The following ARNT variants were observed in gnomAD, a reference collection of about 807,000 sequenced individuals.
ARNT encodes the protein aryl hydrocarbon receptor nuclear translocator.
Under a neutral mutation model 105.0 loss-of-function variants are expected in ARNT, and 30 were observed. The ratio of observed to expected loss-of-function variants is 0.29; its 90% CI spans 0.21 to 0.39. The LOEUF is 0.39. Among genes scored for constraint, ARNT ranks in the 10% least tolerant of loss-of-function variants. The pLI, the probability that ARNT is intolerant of heterozygous loss-of-function variation, is 1.00. For missense variants in ARNT, 748 were observed against 978.7 expected (o/e 0.76, Z 3.15); for synonymous variants, 304 against 344.0 (o/e 0.88, Z 1.29).
rs1259926000 is a variant in ARNT, at chr1:150,826,615, T to C, written c.1170A>G (p.Glu390=). ...ATTCTACAATATTCTTTCCTAAGAG[T>C]TCCTAGAATACAGAAAGAAGAGTAA... ...CVATVGYQPQ[E]LLGKNIVEFC... The change falls in exon 13 of 22, where the codon GAA becomes GAG. Residue 390 remains glutamate (E), a splice_region_variant and synonymous_variant. Coordinates refer to ENST00000358595, the MANE Select transcript of ARNT (RefSeq NM_001668.4). 1.2e-6 allele frequency: 2 copies of C among 1,607,300 alleles called. No individual in the cohort carries two copies. The highest frequency in any genetic ancestry group is 1.7e-6 in the Non-Finnish European group (2 of 1,175,144).
intron 1 of ARNT, among the ~76,000 whole-genome samples, 169 bp downstream of exon 1, chr1:150,876,374 C>T (rs890628528): frequency 6.6e-6 from 1 of 152,178 alleles, no homozygotes; most frequent in African/African-American, 2.4e-5. Flanking sequence ...ACCCAAGTCC[C>T]CGGGATCGGG....
Position 150,814,236 on chromosome 1 carries a change from C to T in ARNT, c.1954G>A (p.Val652Met). 1.2e-6 allele frequency: 2 copies of T among 1,613,934 alleles called. No homozygotes were observed. The highest frequency in any genetic ancestry group is 1.7e-6 in the Non-Finnish European group (2 of 1,179,950). ...GTCTTAGCAGTAGCCTGGGTAGCCA[C>T]CTGCTAAAGAGAGATGGAGAGGGGA... Reference protein sequence around the residue: ...TTRSGFSAQQVATQATAKTRT... With the variant: ...TTRSGFSAQQMATQATAKTRT... The change falls in exon 20 of 22, where the codon GTG (valine) becomes ATG (methionine). Residue 652 changes from valine (V) to methionine (M), a missense_variant. Physicochemically the swap from Val to Met is conservative, Grantham distance 21 (BLOSUM62 1). Around this residue, in one of 4 missense-constraint regions of ARNT, gnomAD observed 360 missense variants for 411.9 expected, o/e 0.87. Coordinates refer to ENST00000358595, the MANE Select transcript of ARNT (RefSeq NM_001668.4).
Position 150,817,194 on chromosome 1 carries a change from C to T in ARNT, c.1587G>A (p.Gln529=). 1 of 1,614,094 alleles carries T rather than the reference C, an allele frequency of 6.2e-7. No individual in the cohort carries two copies. The highest frequency in any genetic ancestry group is 8.5e-7 in the Non-Finnish European group (1 of 1,180,028). ...GTTCTGGTCCTGTGGTTGTCACAGG[C>T]TGAACCACCTGTGGAATACAATGAT... is the stretch of plus-strand genomic sequence containing the variant. ...LASYNHSQVV[Q]PVTTTGPEHS... The change falls in exon 17 of 22, where the codon CAG becomes CAA. Residue 529 remains glutamine, a synonymous_variant. Transcript: ENST00000358595.
rs587682192 is a variant in ARNT, at chr1:150,833,065, C to T, written c.804-666G>A. Among the ~76,000 whole-genome samples, 14 of 152,294 alleles carry T rather than the reference C, an allele frequency of 9.2e-5. No individual in the cohort carries two copies. In the South Asian group the frequency reaches 1.4e-3, roughly 16 times the overall value. ...AACAACTTTATAAAGTCAGTATTAA[C>T]ATTATCGCCAATGTGAGATGATGAA... On this transcript the variant is annotated intron_variant, in intron 8 of 21. Coordinates refer to ENST00000358595, the MANE Select transcript of ARNT (RefSeq NM_001668.4).
intron 5 of ARNT, among the ~76,000 whole-genome samples, chr1:150,841,924 G>A (rs750399064): frequency 2.6e-5 from 4 of 152,118 alleles, no homozygotes; most frequent in South Asian, 2.1e-4. Context: ...GAAAGGATTC[G>A]GTCACCAAAG....
intron 11 of ARNT, chr1:150,829,629 A>G: frequency 3.6e-6 from 2 of 563,230 alleles, no homozygotes; most frequent in Admixed American, 3.0e-5. Context: ...CTTCTTTTGT[A>G]TAGGGGCAAA....
chr1:150,870,947 G>C (rs982987809), intron 1 of ARNT, among the ~76,000 whole-genome samples: 3 of 151,840 alleles, frequency 2.0e-5, no homozygotes, highest in Admixed American at 2.0e-4. Context: ...CAGGAGGATT[G>C]CTTGAGCCCA....
intron 13 of ARNT, among the ~76,000 whole-genome samples, chr1:150,825,574 G>A (rs1274193775): frequency 1.3e-5 from 2 of 152,100 alleles, no homozygotes; most frequent in African/African-American, 4.8e-5. Context: ...GTCTAGGCTG[G>A]GCGCAATGGC....
At chr1:150,832,438 G>A (rs373894722) in intron 8 of ARNT, 39 bp from the exon 9 acceptor site, 24 of 1,599,216 alleles carry the variant, frequency 1.5e-5, no homozygotes, top group Middle Eastern at 3.3e-4. Context: ...CAATCAGACT[G>A]CCCTATCAAA....
At chr1:150,829,779 C>A in intron 11 of ARNT, 125 bp downstream of exon 11, 1 of 1,081,934 alleles carries the variant, frequency 9.2e-7, no homozygotes, top group South Asian at 1.5e-5. Flanking sequence ...CATATTCCTT[C>A]AAATTTTGAG....
chr1:150,862,158 G>A lies in ARNT; in HGVS notation c.26-3698C>T, dbSNP rs371216935. On this transcript the variant is annotated intron_variant, in intron 1 of 21. Transcript: ENST00000358595. ...CTTTTTAACAGTTACATAGTACTCT[G>A]TACTATAAATGTATAGTTATGACAT... is the stretch of plus-strand genomic sequence containing the variant. 7.9e-5 allele frequency among the ~76,000 whole-genome samples: 12 copies of A among 152,166 alleles called. No homozygotes were observed. The East Asian group carries it at 1.9e-3, about 24-fold the overall frequency.
intron 1 of ARNT, among the ~76,000 whole-genome samples, chr1:150,868,164 C>A (rs1240974646): frequency 6.6e-6 from 1 of 151,862 alleles, no homozygotes; most frequent in African/African-American, 2.4e-5. Context: ...CTATTTAGTT[C>A]TAGCCCCAAG....
chr1:150,824,760 C>T (rs1346439807), intron 13 of ARNT, among the ~76,000 whole-genome samples: 1 of 151,952 alleles, frequency 6.6e-6, no homozygotes, highest in Non-Finnish European at 1.5e-5. Context: ...CAGATGAGAG[C>T]ATCTGTTTTC....
rs115636467 is a variant in ARNT at position 150,839,459 on chromosome 1, C to T, written c.468G>A (p.Pro156=). 3.0e-5 allele frequency: 48 copies of T among 1,614,176 alleles called. No individual in the cohort carries two copies. Among genetic ancestry groups the T allele is most frequent in the Middle Eastern group, 3.3e-4 (2 of 6,062 alleles). Residue 156 remains proline, a synonymous_variant, in exon 6 of 22, where the codon CCG becomes CCA. Transcript: ENST00000358595. The part of the protein sequence containing the change: ...GNTSTDGSYK[P]SFLTDQELKH... ...CAGAGACCTGATCAGTGAGGAAAGACGGCTTATAGGAGCCATCAGTGGATG... is the reference window on the plus strand; with the variant it reads ...CAGAGACCTGATCAGTGAGGAAAGATGGCTTATAGGAGCCATCAGTGGATG...
chr1:150,854,378 T>G (rs1234577191), intron 2 of ARNT, among the ~76,000 whole-genome samples: 1 of 134,310 alleles, frequency 7.4e-6, no homozygotes, highest in Non-Finnish European at 1.5e-5. Flanking sequence ...GGCAACACGG[T>G]GAAATCCCGT....
chr1:150,844,242 CT>C (rs1170436425), intron 4 of ARNT, among the ~76,000 whole-genome samples: 1 of 152,170 alleles, frequency 6.6e-6, no homozygotes, highest in Non-Finnish European at 1.5e-5. Flanking sequence ...AACCTCTTAA[CT>C]TCACTCCTTT....
At position 150,810,632 on chromosome 1, in the gene ARNT, TA is replaced by T. The variant is rs71645814; in HGVS notation, c.*1388del. The T allele has an allele frequency of 0.11, 17,147 of 159,718 alleles. 127 individuals carry two copies. Among genetic ancestry groups the T allele is most frequent in the East Asian group, 0.3 (3,192 of 10,632 alleles). 9.9% of individuals were successfully genotyped at this position (159,718 alleles called of 1,614,324 possible). A position where few individuals can be genotyped will look rare whatever the true frequency, so the allele number is the denominator to read the frequency against. Reference sequence around the variant, plus strand: ...CTTTAGCTACTGGCCAAAGCCAATTTAAAAAAAAAAAAAAAAAAGCTGGTAT... The same window carrying T: ...CTTTAGCTACTGGCCAAAGCCAATTTAAAAAAAAAAAAAAAAAGCTGGTAT... On this transcript the variant is annotated 3_prime_UTR_variant, in exon 22 of 22. Transcript: ENST00000358595.
intron 18 of ARNT, 53 bp from the exon 19 acceptor site, chr1:150,816,459 G>A (rs925322387): frequency 1.3e-6 from 2 of 1,568,002 alleles, no homozygotes; most frequent in African/African-American, 1.4e-5. Flanking sequence ...TATCACAGAA[G>A]CTAGGAATCA....
intron 3 of ARNT, 49 bp from the exon 4 acceptor site, chr1:150,846,356 T>C (rs771648428): frequency 8.6e-5 from 136 of 1,575,138 alleles, no homozygotes; most frequent in Non-Finnish European, 1.1e-4. Flanking sequence ...TTGTTATATC[T>C]ATTTCACTCT....
Sources: gnomAD v4.1 joint callset for allele counts (sites outside exome capture counted in the v4.1 genomes callset) on GRCh38, gnomAD v4.1.1 for gene constraint, gnomAD v4.1.1 regional missense constraint, MANE v1.5 for transcripts, NCBI Gene and HGNC (gene_info 2026-07-23, HGNC 2026-07-21) for gene names.